HHLA1: variants seen among roughly 807,000 people sequenced by gnomAD.
HHLA1 encodes the protein HHLA1 neighbor of OC90.
In HHLA1, 72 loss-of-function variants were observed where a neutral mutation model predicts 69.9. The observed-to-expected ratio is 1.03, with a 90% confidence interval of 0.85 to 1.25. The LOEUF is 1.25. HHLA1 is among the 50% of genes most tolerant of loss of function. The pLI is 0.00. For missense variants in HHLA1, 685 were observed against 642.2 expected (o/e 1.07, Z -0.72); for synonymous variants, 252 against 233.2 (o/e 1.08, Z -0.73).
Position 132,079,801 on chromosome 8 carries a change from G to A in HHLA1, c.842C>T (p.Thr281Ile). The A allele has an allele frequency of 6.4e-7, 1 of 1,551,722 alleles. No individual in the cohort carries two copies. The highest frequency in any genetic ancestry group is 8.7e-7 in the Non-Finnish European group (1 of 1,146,992). ...ETAAPSETEETLNTGRPPELP... is the reference protein window; with the variant it reads ...ETAAPSETEEILNTGRPPELP... ...CTCAGGAGGCCTGCCTGTGTTCAGGGTCTCCTCTGTTTCTGAAGGAGCAGC... is the reference window on the plus strand; with the variant it reads ...CTCAGGAGGCCTGCCTGTGTTCAGGATCTCCTCTGTTTCTGAAGGAGCAGC... Residue 281 changes from threonine to isoleucine, a missense_variant, in exon 11 of 17, where the codon ACC becomes ATC. Thr to Ile is a moderately conservative substitution (Grantham distance 89, BLOSUM62 -1). Transcript: ENST00000414222.
intron 5 of HHLA1, among the ~76,000 whole-genome samples, chr8:132,096,137 C>G (rs1233369719): frequency 6.6e-6 from 1 of 152,194 alleles, no homozygotes; most frequent in Non-Finnish European, 1.5e-5. Flanking sequence ...GTTCTGGGGG[C>G]TAGAAGTCTG....
rs201359817 is a variant in HHLA1 at position 132,083,593 on chromosome 8, T to A, written c.677-3627A>T. Among the ~76,000 whole-genome samples the A allele has an allele frequency of 7.8e-4, 119 of 152,274 alleles. No individual in the cohort carries two copies. In the East Asian group the frequency reaches 0.023, roughly 29 times the overall value. Reference sequence around the variant, plus strand: ...CTCTGGGAGTGGCTGCCAGGTGAGTTGAACAGTCCGATTTTCAGTGGGGTC... The same window carrying A: ...CTCTGGGAGTGGCTGCCAGGTGAGTAGAACAGTCCGATTTTCAGTGGGGTC... On this transcript the variant is annotated intron_variant, in intron 10 of 16. Transcript: ENST00000414222.
chr8:132,101,335 A>C lies in HHLA1; in HGVS notation c.140-1201T>G, dbSNP rs1462709244. ...GAAAGTACAGCCTCAAACAGTTCAT[A>C]ACATCCTTAGAAATCATCTTGTCCA... On this transcript the variant is annotated intron_variant, in intron 3 of 16. Coordinates refer to ENST00000414222, the MANE Select transcript of HHLA1 (RefSeq NM_001145095.3). The C allele has an allele frequency of 2.6e-6, 4 of 1,526,866 alleles. No individual in the cohort carries two copies. In the Admixed American group the frequency reaches 8.6e-5, roughly 33 times the overall value. The allele number at this position is 1,526,866 out of a possible 1,614,324, so 94.6% of individuals were successfully genotyped here.
In HHLA1 at chr8:132,063,001, C is replaced by T. The variant is rs1823378623; in HGVS notation, c.*994G>A. The T allele has an allele frequency of 6.6e-6, 1 of 152,182 alleles. No homozygotes were observed. The highest frequency in any genetic ancestry group is 1.9e-4 in the East Asian group (1 of 5,192). 9.4% of individuals were successfully genotyped at this position (152,182 alleles called of 1,614,324 possible). ...TCTAGAGGGACTGGAGACTGAATAACTAAGTTTAGCCATGCAGGCCATGAA... is the reference window on the plus strand; with the variant it reads ...TCTAGAGGGACTGGAGACTGAATAATTAAGTTTAGCCATGCAGGCCATGAA... On this transcript the variant is annotated 3_prime_UTR_variant, in exon 17 of 17. Coordinates refer to ENST00000414222, the MANE Select transcript of HHLA1 (RefSeq NM_001145095.3).
In HHLA1 at chr8:132,062,451, T is replaced by C. The variant is rs1242920211; in HGVS notation, c.*1544A>G. On this transcript the variant is annotated 3_prime_UTR_variant, in exon 17 of 17. Coordinates refer to ENST00000414222, the MANE Select transcript of HHLA1 (RefSeq NM_001145095.3). ...CAGAAACTGTTTTCTACTTAGATGA[T>C]GAACAGAAAGTGACTTTCCTCACCC... The C allele has an allele frequency of 6.6e-6, 1 of 152,122 alleles. No homozygotes were observed. The highest frequency in any genetic ancestry group is 1.5e-5 in the Non-Finnish European group (1 of 68,036). 9.4% of individuals were successfully genotyped at this position (152,122 alleles called of 1,614,324 possible).
intron 16 of HHLA1, among the ~76,000 whole-genome samples, chr8:132,065,580 C>G (rs1823422315): frequency 6.6e-6 from 1 of 152,228 alleles, no homozygotes; most frequent in African/African-American, 2.4e-5. Context: ...CCGCGCCCAG[C>G]CTTTTATTTG....
intron 11 of HHLA1, among the ~76,000 whole-genome samples, chr8:132,078,373 G>A (rs1464919243): frequency 2.0e-5 from 3 of 152,092 alleles, no homozygotes; most frequent in African/African-American, 7.2e-5. Flanking sequence ...TCTCCTCCAT[G>A]GTGTGAACTT....
chr8:132,100,779 C>T lies in HHLA1; in HGVS notation c.140-645G>A, dbSNP rs144761708. 3.7e-3 allele frequency among the ~76,000 whole-genome samples: 561 copies of T among 152,212 alleles called. 3 individuals are homozygous for T. The highest frequency in any genetic ancestry group is 0.013 in the African/African-American group (534 of 41,554). On this transcript the variant is annotated intron_variant, in intron 3 of 16. Transcript: ENST00000414222. ...TCGTGACAAGAGAGGAGTGTCAACA[C>T]GGTGTGGGAGCACAGGGCACTAGCC...
At chr8:132,081,835 A>G (rs1336069236) in intron 10 of HHLA1, among the ~76,000 whole-genome samples, 1 of 152,204 alleles carries the variant, frequency 6.6e-6, no homozygotes, top group Non-Finnish European at 1.5e-5. Context: ...AGAATAGCAG[A>G]TGGGACACTG....
chr8:132,101,258 T>A (rs1325858925), intron 3 of HHLA1: 1 of 1,550,220 alleles, frequency 6.5e-7, no homozygotes, highest in East Asian at 2.4e-5. Context: ...CTTCTTAACA[T>A]CTTTATTTCC....
chr8:132,096,933 C>T (rs1430216041), intron 5 of HHLA1, among the ~76,000 whole-genome samples: 2 of 152,168 alleles, frequency 1.3e-5, no homozygotes, highest in Non-Finnish European at 2.9e-5. Flanking sequence ...CCTCAGCCTC[C>T]CAAAGCGCTG....
In HHLA1 at chr8:132,108,835, A is replaced by G. The variant is rs911133166; in HGVS notation, c.-22+2267T>C. On this transcript the variant is annotated intron_variant, in intron 1 of 16. Transcript: ENST00000414222. The stretch of plus-strand genomic sequence containing the variant: ...GTGGGCACACAAACCTCACAAAAAT[A>G]AACCTTAGCATCCATTGGTTTCCCC... Among the ~76,000 whole-genome samples the G allele has an allele frequency of 2.0e-5, 3 of 152,128 alleles. No homozygotes were observed. The East Asian group carries it at 5.8e-4, about 30-fold the overall frequency.
At chr8:132,068,148 C>A (rs1405136933) in intron 15 of HHLA1, among the ~76,000 whole-genome samples, 1 of 152,206 alleles carries the variant, frequency 6.6e-6, no homozygotes, top group African/African-American at 2.4e-5. Context: ...TGGACAACAT[C>A]ATCCAAACTA....
rs920612290 is a variant in HHLA1 at position 132,095,844 on chromosome 8, C to T, written c.281-58G>A. 5.8e-5 allele frequency: 60 copies of T among 1,043,350 alleles called. No homozygotes were observed. The Middle Eastern group carries it at 8.3e-4, about 14-fold the overall frequency. The allele number at this position is 1,043,350 out of a possible 1,614,324, so 64.6% of individuals were successfully genotyped here. On this transcript the variant is annotated intron_variant, in intron 5 of 16. Coordinates refer to ENST00000414222, the MANE Select transcript of HHLA1 (RefSeq NM_001145095.3). ...GATGCCTACTAACGTAACAATAATACAAATAAGTAAACAGTCCCTAGAAAT... is the reference window on the plus strand; with the variant it reads ...GATGCCTACTAACGTAACAATAATATAAATAAGTAAACAGTCCCTAGAAAT...
chr8:132,076,562 G>T lies in HHLA1; in HGVS notation c.1172-19C>A. 1 of 1,495,002 alleles carries T rather than the reference G, an allele frequency of 6.7e-7. No homozygotes were observed. Among genetic ancestry groups the T allele is most frequent in the Non-Finnish European group, 8.9e-7 (1 of 1,118,976 alleles). 92.6% of individuals were successfully genotyped at this position (1,495,002 alleles called of 1,614,324 possible). ...AATGCTCCTGGGAGGAGATGAGAGA[G>T]AGGTGAGCCTGCATCTCTTCTAGGG... On this transcript the variant is annotated intron_variant, in intron 12 of 16. Coordinates refer to ENST00000414222, the MANE Select transcript of HHLA1 (RefSeq NM_001145095.3).
chr8:132,103,780 T>C (rs182562677), intron 3 of HHLA1, among the ~76,000 whole-genome samples: 2 of 152,334 alleles, frequency 1.3e-5, no homozygotes, highest in Admixed American at 1.3e-4. Context: ...GTCACCATTG[T>C]ACTGCAAAGT....
chr8:132,099,945 T>C, intron 4 of HHLA1, 130 bp downstream of exon 4: 2 of 669,470 alleles, frequency 3.0e-6, no homozygotes, highest in East Asian at 5.5e-5. Context: ...CTTCAACTTT[T>C]ACTTAATGAT....
chr8:132,090,572 G>C (rs1012447332), intron 7 of HHLA1, among the ~76,000 whole-genome samples: 1 of 152,130 alleles, frequency 6.6e-6, no homozygotes, highest in African/African-American at 2.4e-5. Flanking sequence ...GTGTAGCCAA[G>C]ACCAACAGAT....
intron 11 of HHLA1, 124 bp from the exon 12 acceptor site, chr8:132,078,095 T>C: frequency 9.5e-7 from 1 of 1,047,358 alleles, no homozygotes. Flanking sequence ...GTAATATAAG[T>C]AATCCAGGGG....
Sources: allele counts gnomAD v4.1 joint callset (sites outside exome capture counted in the v4.1 genomes callset), GRCh38; gene constraint gnomAD v4.1.1; transcripts MANE v1.5; gene names NCBI Gene and HGNC (gene_info 2026-07-23, HGNC 2026-07-21).